PSKH1: variants seen among roughly 807,000 people sequenced by gnomAD.
PSKH1 encodes the protein serine/threonine-protein kinase H1.
A neutral mutation model predicts 26.7 loss-of-function variants in PSKH1; 12 were observed. That is an observed-to-expected ratio of 0.45 (90% CI 0.29 to 0.73). PSKH1 has a LOEUF of 0.73. Ranked by LOEUF, PSKH1 falls within the 30% of genes least tolerant of loss-of-function variation. The pLI is 0.11. For missense variants in PSKH1, 431 were observed against 595.2 expected, an observed-to-expected ratio of 0.72 and a Z score of 2.87; for synonymous variants, 213 against 234.3, an observed-to-expected ratio of 0.91 and a Z score of 0.83.
rs567173565 is a variant in PSKH1 at position 67,905,813 on chromosome 16, C to T, written c.-70-2867C>T. 6.6e-5 allele frequency among the ~76,000 whole-genome samples: 10 copies of T among 152,144 alleles called. No homozygotes were observed. The South Asian group carries it at 1.5e-3, about 22-fold the overall frequency. On this transcript the variant is annotated intron_variant, in intron 1 of 2. Transcript: ENST00000291041. Reference sequence around the variant, plus strand: ...GGCAGAGGCTGCAGTTAGCTGAGGTCGTGCCAGTGCACTCCAGCCTGGGTG... The same window carrying T: ...GGCAGAGGCTGCAGTTAGCTGAGGTTGTGCCAGTGCACTCCAGCCTGGGTG...
chr16:67,895,747 T>G (rs1261196544), intron 1 of PSKH1, among the ~76,000 whole-genome samples: 1 of 152,220 alleles, frequency 6.6e-6, no homozygotes, highest in Non-Finnish European at 1.5e-5. Context: ...GTAACTTTAC[T>G]GTGCTTCCTC....
intron 2 of PSKH1, among the ~76,000 whole-genome samples, chr16:67,911,302 G>C (rs2058172612): frequency 6.6e-6 from 1 of 152,214 alleles, no homozygotes; most frequent in Non-Finnish European, 1.5e-5. Flanking sequence ...AGGAGCTCTG[G>C]AAGCAGCTTC....
chr16:67,904,496 G>A (rs536901402), intron 1 of PSKH1, among the ~76,000 whole-genome samples: 96 of 152,046 alleles, frequency 6.3e-4, no homozygotes, highest in Admixed American at 2.6e-3. Flanking sequence ...GAGCCACCGC[G>A]CCCCGCCTAA....
chr16:67,906,195 C>T (rs2058155534), intron 1 of PSKH1, among the ~76,000 whole-genome samples: 1 of 151,912 alleles, frequency 6.6e-6, no homozygotes, highest in African/African-American at 2.4e-5. Context: ...GCCTCAGCCT[C>T]CCAAGTAGCT....
At chr16:67,896,404 C>T (rs756159879) in intron 1 of PSKH1, among the ~76,000 whole-genome samples, 2 of 152,236 alleles carry the variant, frequency 1.3e-5, no homozygotes, top group Middle Eastern at 3.4e-3. Flanking sequence ...CCACCACAAC[C>T]GGCTAGAAGG....
chr16:67,904,495 C>T (rs953673552), intron 1 of PSKH1, among the ~76,000 whole-genome samples: 4 of 151,808 alleles, frequency 2.6e-5, no homozygotes, highest in African/African-American at 4.8e-5. Flanking sequence ...TGAGCCACCG[C>T]GCCCCGCCTA....
chr16:67,923,987 C>T (rs2058209886), intron 2 of PSKH1, among the ~76,000 whole-genome samples: 1 of 152,168 alleles, frequency 6.6e-6, no homozygotes, highest in African/African-American at 2.4e-5. Context: ...TGTGGAAAGC[C>T]TTACTTTTCT....
At chr16:67,905,279 A>G (rs1377561682) in intron 1 of PSKH1, among the ~76,000 whole-genome samples, 1 of 152,044 alleles carries the variant, frequency 6.6e-6, no homozygotes, top group African/African-American at 2.4e-5. Context: ...GTTGCTCTCC[A>G]TAACCACCTT....
At chr16:67,921,376 C>A (rs1490326314) in intron 2 of PSKH1, among the ~76,000 whole-genome samples, 1 of 151,988 alleles carries the variant, frequency 6.6e-6, no homozygotes. Context: ...GAGATCAAGA[C>A]TATCCTGGCT....
rs1488099784 is a variant in PSKH1 at position 67,927,549 on chromosome 16, C to T, written c.1182C>T (p.Ser394=). 5.6e-6 allele frequency: 9 copies of T among 1,613,882 alleles called. No homozygotes were observed. Among genetic ancestry groups the T allele is most frequent in the East Asian group, 2.2e-5 (1 of 44,894 alleles). ...QSTKSAQSTR[S]SRSTRSNKSR... is the part of the protein sequence containing the mutation. ...CCAAATCTGCCCAGTCCACGCGTTC[C>T]AGCCGCTCCACACGCTCCAATAAGT... The change falls in exon 3 of 3, where the codon TCC becomes TCT. Residue 394 remains serine (S), a synonymous_variant. Transcript: ENST00000291041. This position sits in a 1 kb window ranked among gnomAD's most constrained non-coding sequence, Gnocchi z 5.5.
intron 2 of PSKH1, among the ~76,000 whole-genome samples, chr16:67,919,818 C>T (rs1264950225): frequency 6.6e-6 from 1 of 152,242 alleles, no homozygotes; most frequent in African/African-American, 2.4e-5. Context: ...GCAGCCCCAT[C>T]TTGTGTCACC....
intron 1 of PSKH1, among the ~76,000 whole-genome samples, chr16:67,902,339 C>T (rs942729206): frequency 5.3e-5 from 8 of 152,054 alleles, no homozygotes; most frequent in Non-Finnish European, 1.2e-4. Flanking sequence ...CTCGATCTCT[C>T]ACCCAGGCTG....
intron 1 of PSKH1, among the ~76,000 whole-genome samples, chr16:67,902,269 AAAAG>A (rs200658588): frequency 4.6e-5 from 7 of 151,988 alleles, no homozygotes; most frequent in Non-Finnish European, 7.4e-5. Flanking sequence ...CAAAAAAAAA[AAAAG>A]AAATAAAAAT....
At chr16:67,921,145 G>A (rs2058201273) in intron 2 of PSKH1, among the ~76,000 whole-genome samples, 2 of 152,272 alleles carry the variant, frequency 1.3e-5, no homozygotes, top group South Asian at 4.1e-4. Context: ...GGGCATTGTG[G>A]TGCATGCCTG....
At chr16:67,911,262 A>G (rs980487857) in intron 2 of PSKH1, among the ~76,000 whole-genome samples, 17 of 152,182 alleles carry the variant, frequency 1.1e-4, no homozygotes, top group Non-Finnish European at 2.1e-4. Flanking sequence ...GGTGCTATCC[A>G]TGCCTCTTGT....
chr16:67,897,779 C>T (rs1468421960), intron 1 of PSKH1, among the ~76,000 whole-genome samples: 3 of 152,130 alleles, frequency 2.0e-5, no homozygotes, highest in African/African-American at 7.2e-5. Context: ...CTTGCCTTCC[C>T]GTGCTCAAGT....
At position 67,927,633 on chromosome 16, in the gene PSKH1, C is replaced by A. The variant is rs986396947; in HGVS notation, c.1266C>A (p.Tyr422Ter). 1.1e-5 allele frequency: 17 copies of A among 1,603,276 alleles called. No individual in the cohort carries two copies. In the African/African-American group the frequency reaches 2.0e-4, roughly 19 times the overall value. The part of the protein sequence containing the change: ...RELNLRYQQQ[Y>*]NG ...TCAACCTGCGCTACCAGCAGCAATA[C>A]AATGGCTGAGCCGCCTGGCTGTGCA... The change falls in exon 3 of 3, where the codon TAC (tyrosine) becomes TAA (stop). Residue 422 changes from tyrosine (Y) to a stop codon, truncating the protein, a stop_gained. Transcript: ENST00000291041. LOFTEE classifies it high-confidence loss of function. This position sits in a 1 kb window ranked among gnomAD's most constrained non-coding sequence, Gnocchi z 5.5.
intron 2 of PSKH1, among the ~76,000 whole-genome samples, chr16:67,912,778 G>A (rs1015193290): frequency 3.3e-5 from 5 of 152,160 alleles, no homozygotes; most frequent in African/African-American, 1.2e-4. Flanking sequence ...TGAGGCAGGA[G>A]AATCACTTGA....
At chr16:67,905,047 C>T (rs985007594) in intron 1 of PSKH1, among the ~76,000 whole-genome samples, 3 of 151,370 alleles carry the variant, frequency 2.0e-5, no homozygotes, top group Non-Finnish European at 4.4e-5. Context: ...AGGATGGTCT[C>T]GATCTCCTGA....
Sources: allele counts gnomAD v4.1 joint callset (sites outside exome capture counted in the v4.1 genomes callset), GRCh38; gene constraint gnomAD v4.1.1; non-coding constraint Gnocchi (gnomAD v3.1); transcripts MANE v1.5; gene names NCBI Gene and HGNC (gene_info 2026-07-23, HGNC 2026-07-21).